Variants in ADGRL3 observed in about 807,000 individuals in gnomAD.
ADGRL3 encodes the protein adhesion G protein-coupled receptor L3.
ADGRL3 carries 62 observed loss-of-function variants against 153.5 expected under a neutral mutation model. The ratio of observed to expected loss-of-function variants is 0.40; its 90% CI spans 0.33 to 0.50. The LOEUF is 0.50. Ranked by LOEUF, ADGRL3 falls within the 20% of genes least tolerant of loss-of-function variation. ADGRL3 has a pLI of 0.47. For synonymous variants in ADGRL3, 710 were observed against 672.5 expected (o/e 1.06, Z -0.86); for missense variants, 1,641 against 1,859.4 (o/e 0.88, Z 2.16).
intron 9 of ADGRL3, among the ~76,000 whole-genome samples, chr4:61,822,771 A>G (rs2097767455): frequency 6.6e-6 from 1 of 152,108 alleles, no homozygotes; most frequent in African/African-American, 2.4e-5. Context: ...GGTGGTCTCT[A>G]AAGGAGCCAA....
chr4:61,489,889 T>G (rs1251913810), intron 2 of ADGRL3, among the ~76,000 whole-genome samples: 2 of 152,062 alleles, frequency 1.3e-5, no homozygotes, highest in Non-Finnish European at 2.9e-5. Context: ...ATACTTGGAG[T>G]AATTTATATG....
chr4:61,760,742 G>T (rs1464668526), intron 8 of ADGRL3, among the ~76,000 whole-genome samples: 1 of 152,108 alleles, frequency 6.6e-6, no homozygotes, highest in African/African-American at 2.4e-5. Flanking sequence ...TCATCTTCTG[G>T]GTCGCTCATG....
intron 1 of ADGRL3, among the ~76,000 whole-genome samples, chr4:61,296,245 G>A (rs2094408005): frequency 6.6e-6 from 1 of 152,110 alleles, no homozygotes; most frequent in Non-Finnish European, 1.5e-5. Context: ...ACTTGTGTCG[G>A]AGTGCAGCGA....
chr4:61,675,766 G>A (rs2095169989), intron 5 of ADGRL3, among the ~76,000 whole-genome samples: 1 of 151,400 alleles, frequency 6.6e-6, no homozygotes, highest in Non-Finnish European at 1.5e-5. Flanking sequence ...AGGGTAAATG[G>A]GATATTCATC....
chr4:61,594,702 G>T (rs558989923), intron 5 of ADGRL3, among the ~76,000 whole-genome samples: 1 of 152,182 alleles, frequency 6.6e-6, no homozygotes, highest in Non-Finnish European at 1.5e-5. Flanking sequence ...GACTGTGCTG[G>T]GTCAGACCTG....
rs1318881805 is a variant in ADGRL3, at chr4:61,733,547, T to C, written c.1392T>C (p.Ser464=). 1 of 1,607,606 alleles carries C rather than the reference T, an allele frequency of 6.2e-7. No homozygotes were observed. Among genetic ancestry groups the C allele is most frequent in the Non-Finnish European group, 8.5e-7 (1 of 1,175,332 alleles). The change falls in exon 8 of 27, where the codon AGT becomes AGC. Residue 464 remains serine, a synonymous_variant. Coordinates refer to ENST00000683033, the MANE Select transcript of ADGRL3 (RefSeq NM_001387552.1). ...KYSLDFGPLD[S]RSGQAHHGQV... ...CTTTGGATTTTGGACCTCTGGATAG[T>C]AGATCAGGTAAGTTCAACCTTTTGT...
intron 11 of ADGRL3, among the ~76,000 whole-genome samples, chr4:61,896,378 G>T (rs1211091231): frequency 6.6e-6 from 1 of 152,048 alleles, no homozygotes; most frequent in African/African-American, 2.4e-5. Flanking sequence ...TACAAACAGA[G>T]ACCAGATGTG....
At chr4:61,275,092 G>A (rs2093397543) in intron 1 of ADGRL3, among the ~76,000 whole-genome samples, 1 of 152,078 alleles carries the variant, frequency 6.6e-6, no homozygotes, top group Non-Finnish European at 1.5e-5. Flanking sequence ...GGCACTTTTA[G>A]CCTACAGAAT....
rs1272517009 is a variant in ADGRL3 at position 61,875,012 on chromosome 4, G to C, written c.1481-17644G>C. 2.0e-5 allele frequency among the ~76,000 whole-genome samples: 3 copies of C among 151,090 alleles called. No homozygotes were observed. The East Asian group carries it at 5.8e-4, about 29-fold the overall frequency. Reference sequence around the variant, plus strand: ...TTTAGTAGAGACGGGGTTTCACCTTGTTAGTCAGGATGGTCTCGATCTCCT... The same window carrying C: ...TTTAGTAGAGACGGGGTTTCACCTTCTTAGTCAGGATGGTCTCGATCTCCT... On this transcript the variant is annotated intron_variant, in intron 9 of 26. Coordinates refer to ENST00000683033, the MANE Select transcript of ADGRL3 (RefSeq NM_001387552.1).
chr4:61,361,830 T>G (rs1326444831), intron 1 of ADGRL3, among the ~76,000 whole-genome samples: 2 of 151,936 alleles, frequency 1.3e-5, no homozygotes, highest in African/African-American at 4.8e-5. Context: ...GAGTTTTGTG[T>G]TTTTTAAATA....
intron 1 of ADGRL3, among the ~76,000 whole-genome samples, chr4:61,301,750 A>G (rs924926012): frequency 2.6e-5 from 4 of 152,226 alleles, no homozygotes; most frequent in African/African-American, 9.6e-5. Flanking sequence ...AATATTGGGA[A>G]TAAGAACAAA....
chr4:61,251,936 T>G (rs1052654539), intron 1 of ADGRL3, among the ~76,000 whole-genome samples: 1 of 151,138 alleles, frequency 6.6e-6, no homozygotes, highest in African/African-American at 2.4e-5. Flanking sequence ...CAGGCTGGAG[T>G]GCAATGGCCT....
At chr4:61,210,383 G>C (rs1197037501) in intron 1 of ADGRL3, among the ~76,000 whole-genome samples, 1 of 152,072 alleles carries the variant, frequency 6.6e-6, no homozygotes, top group East Asian at 1.9e-4. Flanking sequence ...AGCCCCAGTG[G>C]CTCCACAGTA....
intron 8 of ADGRL3, among the ~76,000 whole-genome samples, chr4:61,757,145 A>T (rs933072603): frequency 6.6e-6 from 1 of 152,212 alleles, no homozygotes; most frequent in Non-Finnish European, 1.5e-5. Context: ...AAAATGAGTT[A>T]GGGAAGATTC....
rs534359675 is a variant in ADGRL3 at position 61,679,607 on chromosome 4, A to C, written c.583+2672A>C. Among the ~76,000 whole-genome samples the C allele has an allele frequency of 3.3e-5, 5 of 152,216 alleles. No homozygotes were observed. In the South Asian group the frequency reaches 8.3e-4, roughly 25 times the overall value. On this transcript the variant is annotated intron_variant, in intron 6 of 26. Transcript: ENST00000683033. ...CACTTAACCACATGCCATTTTCTAC[A>C]TGGATAGTGTTTACATGCATAGGCT...
intron 2 of ADGRL3, among the ~76,000 whole-genome samples, chr4:61,429,236 A>G (rs1347695858): frequency 1.3e-5 from 2 of 152,210 alleles, no homozygotes; most frequent in African/African-American, 2.4e-5. Flanking sequence ...CAATTGTCAA[A>G]AAAGTATTGC....
chr4:61,616,633 A>G (rs1384041292), intron 5 of ADGRL3, among the ~76,000 whole-genome samples: 3 of 152,274 alleles, frequency 2.0e-5, no homozygotes, highest in South Asian at 2.1e-4. Context: ...ACATTGACCA[A>G]GATTTCCTTT....
intron 17 of ADGRL3, among the ~76,000 whole-genome samples, chr4:61,969,382 T>C (rs577770122): frequency 6.6e-6 from 1 of 152,270 alleles, no homozygotes; most frequent in African/African-American, 2.4e-5. Context: ...GGCTCCACAA[T>C]TGTATTCATA....
At chr4:61,995,701 T>C (rs986183487) in intron 19 of ADGRL3, among the ~76,000 whole-genome samples, 1 of 152,218 alleles carries the variant, frequency 6.6e-6, no homozygotes, top group African/African-American at 2.4e-5. Flanking sequence ...AATTTACTTT[T>C]GGGTCATGAA....
Sources: allele counts gnomAD v4.1 joint callset (sites outside exome capture counted in the v4.1 genomes callset), GRCh38; gene constraint gnomAD v4.1.1; transcripts MANE v1.5; gene names NCBI Gene and HGNC (gene_info 2026-07-23, HGNC 2026-07-21).